ADAMTS16: variants seen among roughly 807,000 people sequenced by gnomAD.
ADAMTS16 encodes ADAM metallopeptidase with thrombospondin type 1 motif 16, also known as A disintegrin and metalloproteinase with thrombospondin motifs 16.
Under a neutral mutation model 145.8 loss-of-function variants are expected in ADAMTS16, and 94 were observed. The observed-to-expected ratio is 0.64, with a 90% CI of 0.55 to 0.77. The LOEUF (loss-of-function observed/expected upper bound fraction) is 0.77. Among genes scored for constraint, ADAMTS16 ranks in the 30% least tolerant of loss-of-function variants. The probability of loss-of-function intolerance (pLI) is 0.00; values close to 1 mark genes in which losing one functional copy is unlikely to be tolerated. For synonymous variants in ADAMTS16, 659 were observed against 604.3 expected (o/e 1.09, Z -1.33); for missense variants, 1,585 against 1,591.5 (o/e 1.00, Z 0.07).
intron 21 of ADAMTS16, among the ~76,000 whole-genome samples, chr5:5,307,833 T>C (rs569654873): frequency 7.9e-5 from 12 of 152,256 alleles, no homozygotes; most frequent in African/African-American, 2.9e-4. Flanking sequence ...CTTTGGAGAA[T>C]AGTCACTGCA....
chr5:5,223,740 A>G (rs910128684), intron 11 of ADAMTS16: 1 of 152,158 alleles, frequency 6.6e-6, no homozygotes, highest in African/African-American at 2.4e-5. Flanking sequence ...AATACTCCAT[A>G]CTAATATTTT....
At chr5:5,187,674 G>A in intron 5 of ADAMTS16, 51 bp from the exon 6 acceptor site, 1 of 1,272,542 alleles carries the variant, frequency 7.9e-7, no homozygotes, top group East Asian at 2.3e-5. Context: ...CTAGTAAGTA[G>A]GGGGGAAAAT....
chr5:5,175,539 A>G (rs1380094398), intron 3 of ADAMTS16, among the ~76,000 whole-genome samples: 1 of 152,124 alleles, frequency 6.6e-6, no homozygotes, highest in African/African-American at 2.4e-5. Flanking sequence ...CATGCCCCCA[A>G]GTCCACCGGT....
At chr5:5,267,108 G>A (rs532095524) in intron 18 of ADAMTS16, among the ~76,000 whole-genome samples, 54 of 152,274 alleles carry the variant, frequency 3.5e-4, no homozygotes, top group African/African-American at 1.2e-3. Context: ...CGATGAGGGC[G>A]TGGCTTACTT....
intron 3 of ADAMTS16, among the ~76,000 whole-genome samples, chr5:5,160,757 C>CA (rs35314305): frequency 0.23 from 32,517 of 143,052 alleles, 3,715 homozygotes; most frequent in Middle Eastern, 0.31. Context: ...AAAAATATAC[C>CA]AAAAAAAAAA....
intron 3 of ADAMTS16, among the ~76,000 whole-genome samples, chr5:5,153,715 T>G (rs1009414098): frequency 3.3e-5 from 5 of 152,222 alleles, no homozygotes; most frequent in Non-Finnish European, 7.3e-5. Flanking sequence ...TAGGATTTTC[T>G]GAAAGTTCTG....
chr5:5,148,067 T>A (rs889897683), intron 3 of ADAMTS16, among the ~76,000 whole-genome samples: 7 of 151,940 alleles, frequency 4.6e-5, no homozygotes, highest in African/African-American at 1.5e-4. Flanking sequence ...ATAATTATAA[T>A]GAAAGATAAA....
At chr5:5,141,076 G>T (rs1470818044) in intron 2 of ADAMTS16, among the ~76,000 whole-genome samples, 3 of 152,146 alleles carry the variant, frequency 2.0e-5, no homozygotes, top group East Asian at 3.9e-4. Flanking sequence ...ATTAATGTAT[G>T]CATCAAAGCC....
rs561002985 is a variant in ADAMTS16 at position 5,186,034 on chromosome 5, C to A, written c.764-18C>A. On this transcript the variant is annotated intron_variant, in intron 4 of 22. Transcript: ENST00000274181. Reference sequence around the variant, plus strand: ...TGTGACTTGTGCTTCCATTTGCCCTCCATGTGTCCCTCCATAGACATGCCC... The same window carrying A: ...TGTGACTTGTGCTTCCATTTGCCCTACATGTGTCCCTCCATAGACATGCCC... 9.2e-5 allele frequency: 148 copies of A among 1,602,520 alleles called. 2 individuals are homozygous for A. In the South Asian group the frequency reaches 1.5e-3, roughly 16 times the overall value.
chr5:5,222,108 G>A (rs1302763693), intron 10 of ADAMTS16, among the ~76,000 whole-genome samples: 10 of 152,150 alleles, frequency 6.6e-5, no homozygotes, highest in Non-Finnish European at 1.2e-4. Flanking sequence ...CCTTGCACTC[G>A]GAGAGTCTTT....
intron 3 of ADAMTS16, among the ~76,000 whole-genome samples, chr5:5,146,821 T>G (rs1164094211): frequency 6.6e-6 from 1 of 152,232 alleles, no homozygotes; most frequent in Non-Finnish European, 1.5e-5. Flanking sequence ...GTCTTCATTT[T>G]GAATAAAACA....
intron 3 of ADAMTS16, among the ~76,000 whole-genome samples, chr5:5,180,975 C>T (rs1735324031): frequency 1.3e-5 from 2 of 152,120 alleles, no homozygotes; most frequent in South Asian, 4.1e-4. Flanking sequence ...GTAACTCTAA[C>T]TTTTAGTGGT....
At chr5:5,285,750 A>G (rs1560987728) in intron 18 of ADAMTS16, among the ~76,000 whole-genome samples, 3 of 152,262 alleles carry the variant, frequency 2.0e-5, no homozygotes, top group Non-Finnish European at 4.4e-5. Flanking sequence ...AGACAATGAG[A>G]TTTTTCAATG....
rs369696992 is a variant in ADAMTS16, at chr5:5,303,244, C to T, written c.2790-24C>T. 5.1e-5 allele frequency: 78 copies of T among 1,518,268 alleles called. No homozygotes were observed. In the Middle Eastern group the frequency reaches 7.3e-4, roughly 14 times the overall value. The allele number at this position is 1,518,268 out of a possible 1,614,324, so 94.0% of individuals were successfully genotyped here. ...TCAGAGTGATGGAGCCATCCCTCAC[C>T]GAGGTCTCTTTGTCCCTGCCCAGCT... is the stretch of plus-strand genomic sequence containing the variant. On this transcript the variant is annotated intron_variant, in intron 18 of 22. Coordinates refer to ENST00000274181, the MANE Select transcript of ADAMTS16 (RefSeq NM_139056.4).
chr5:5,167,561 T>C, intron 3 of ADAMTS16, among the ~76,000 whole-genome samples: 1 of 152,360 alleles, frequency 6.6e-6, no homozygotes, highest in East Asian at 1.9e-4. Flanking sequence ...GGTTGGCGTG[T>C]TCTAAATATT....
chr5:5,234,869 CAAAAAAAAAAA>C (rs1553993127), intron 12 of ADAMTS16, 134 bp from the exon 13 acceptor site: 1 of 51,708 alleles, frequency 1.9e-5, no homozygotes, highest in African/African-American at 1.4e-4. Context: ...GACTCCATCT[CAAAAAAAAAAA>C]AAAAAAAAGA....
intron 21 of ADAMTS16, among the ~76,000 whole-genome samples, chr5:5,309,858 A>ATGTG (rs1170708402): frequency 3.3e-5 from 4 of 121,452 alleles, no homozygotes; most frequent in East Asian, 2.4e-4. Flanking sequence ...GTGTGTGTGC[A>ATGTG]TGTGATCAGA....
intron 18 of ADAMTS16, among the ~76,000 whole-genome samples, chr5:5,274,737 G>GATATAT (rs34377817): frequency 6.9e-6 from 1 of 145,392 alleles, no homozygotes. Flanking sequence ...TGCACACACA[G>GATATAT]ATATATATAT....
intron 3 of ADAMTS16, among the ~76,000 whole-genome samples, chr5:5,151,265 G>A (rs2126511652): frequency 6.7e-6 from 1 of 149,524 alleles, no homozygotes; most frequent in East Asian, 2.0e-4. Context: ...TTGAGCTGGA[G>A]TCTCACCCTG....
Sources: gnomAD v4.1 joint callset for allele counts (sites outside exome capture counted in the v4.1 genomes callset) on GRCh38, gnomAD v4.1.1 for gene constraint, MANE v1.5 for transcripts, NCBI Gene and HGNC (gene_info 2026-07-23, HGNC 2026-07-21) for gene names.